The following AGBL1 variants were observed in gnomAD, a reference collection of about 807,000 sequenced individuals.
AGBL1 encodes the protein cytosolic carboxypeptidase 4.
In AGBL1, 130 loss-of-function variants were observed where a neutral mutation model predicts 118.9. The ratio of observed to expected loss-of-function variants is 1.09; its 90% CI spans 0.95 to 1.26. The LOEUF (loss-of-function observed/expected upper bound fraction) is 1.26, where lower values mean the gene tolerates loss of function less well. Ranked by LOEUF, AGBL1 falls within the 50% of genes most tolerant of loss-of-function variation. The pLI is 0.00. For missense variants in AGBL1, 1,584 were observed against 1,298.1 expected, an observed-to-expected ratio of 1.22 and a Z score of -3.38; for synonymous variants, 555 against 478.9, an observed-to-expected ratio of 1.16 and a Z score of -2.08.
chr15:86,218,659 G>T (rs936592108), intron 5 of AGBL1, among the ~76,000 whole-genome samples: 1 of 152,210 alleles, frequency 6.6e-6, no homozygotes, highest in African/African-American at 2.4e-5. Flanking sequence ...CCTCATTGAT[G>T]AAGTAAGCAG....
At chr15:86,843,003 C>T (rs2079266732) in intron 22 of AGBL1, among the ~76,000 whole-genome samples, 1 of 152,134 alleles carries the variant, frequency 6.6e-6, no homozygotes. Flanking sequence ...TTTTAGGGCT[C>T]CTTCAAACAG....
At chr15:86,870,289 C>A (rs1461285520) in intron 22 of AGBL1, among the ~76,000 whole-genome samples, 1 of 151,726 alleles carries the variant, frequency 6.6e-6, no homozygotes, top group African/African-American at 2.4e-5. Context: ...AGGGAGAAAT[C>A]TGAGGCTTTG....
chr15:86,689,530 A>G (rs994103983), intron 22 of AGBL1, among the ~76,000 whole-genome samples: 2 of 152,142 alleles, frequency 1.3e-5, no homozygotes, highest in African/African-American at 4.8e-5. Flanking sequence ...TTATGGGAAG[A>G]TATGAAGACT....
rs1423417916 is a variant in AGBL1 at position 86,632,628 on chromosome 15, ATGTTT to A, written c.2995-41643_2995-41639del. 2.5e-5 allele frequency among the ~76,000 whole-genome samples: 3 copies of A among 120,928 alleles called. No individual in the cohort carries two copies. The East Asian group carries it at 1.0e-3, about 42-fold the overall frequency. 79.3% of individuals were successfully genotyped at this position (120,928 alleles called of 152,430 possible). ...ACCATGACAATAACTAAATCTCATC[ATGTTT>A]TTTTTTTTTTTTCTTTTTCACAAAG... On this transcript the variant is annotated intron_variant, in intron 21 of 22. Transcript: ENST00000614907.
At chr15:86,182,846 A>C (rs142938911) in intron 5 of AGBL1, among the ~76,000 whole-genome samples, 2 of 152,262 alleles carry the variant, frequency 1.3e-5, no homozygotes, top group Admixed American at 1.3e-4. Flanking sequence ...CAATTTTAGC[A>C]GTTTACATGT....
chr15:86,741,944 C>G (rs1367503106), intron 22 of AGBL1, among the ~76,000 whole-genome samples: 1 of 150,784 alleles, frequency 6.6e-6, no homozygotes, highest in Admixed American at 6.6e-5. Context: ...CTCTTCAGAT[C>G]TAGGTCCATA....
At chr15:86,471,724 T>C (rs1433894961) in intron 18 of AGBL1, among the ~76,000 whole-genome samples, 2 of 152,152 alleles carry the variant, frequency 1.3e-5, no homozygotes, top group East Asian at 1.9e-4. Context: ...ATATTCAAAG[T>C]AAAATGTGCA....
At chr15:86,180,577 A>T (rs923557405) in intron 5 of AGBL1, among the ~76,000 whole-genome samples, 7 of 152,148 alleles carry the variant, frequency 4.6e-5, no homozygotes, top group African/African-American at 1.7e-4. Flanking sequence ...CATTTCTGGA[A>T]GAAAACACAG....
At chr15:86,444,980 A>G (rs2082104813) in intron 18 of AGBL1, among the ~76,000 whole-genome samples, 1 of 152,204 alleles carries the variant, frequency 6.6e-6, no homozygotes, top group Non-Finnish European at 1.5e-5. Context: ...TAAGATTTTA[A>G]TTATCTGGTG....
At chr15:86,535,535 C>T (rs951878470) in intron 19 of AGBL1, among the ~76,000 whole-genome samples, 1 of 152,214 alleles carries the variant, frequency 6.6e-6, no homozygotes, top group Admixed American at 6.5e-5. Flanking sequence ...TTGGCTCTCA[C>T]TATGTGAGTG....
intron 15 of AGBL1, among the ~76,000 whole-genome samples, chr15:86,276,725 A>G (rs2079258092): frequency 6.6e-6 from 1 of 151,902 alleles, no homozygotes; most frequent in Non-Finnish European, 1.5e-5. Context: ...GGAAGATGGA[A>G]AGGGCTTTCC....
chr15:87,006,174 T>G (rs1332119231), intron 24 of AGBL1, among the ~76,000 whole-genome samples: 1 of 152,224 alleles, frequency 6.6e-6, no homozygotes, highest in Non-Finnish European at 1.5e-5. Flanking sequence ...CTGTCTGTTC[T>G]TAGATCTCCA....
intron 5 of AGBL1, among the ~76,000 whole-genome samples, chr15:86,211,872 A>G (rs560633736): frequency 1.3e-5 from 2 of 152,250 alleles, no homozygotes; most frequent in East Asian, 3.9e-4. Flanking sequence ...TCCCAATGAG[A>G]TGAACCAGGC....
chr15:86,921,708 A>G (rs2080483554), intron 23 of AGBL1, among the ~76,000 whole-genome samples: 2 of 152,332 alleles, frequency 1.3e-5, no homozygotes, highest in African/African-American at 2.4e-5. Flanking sequence ...AGAAGGCAGC[A>G]CAGCATGCAT....
At chr15:86,970,851 T>G (rs1209086184) in intron 23 of AGBL1, among the ~76,000 whole-genome samples, 1 of 152,006 alleles carries the variant, frequency 6.6e-6, no homozygotes, top group Admixed American at 6.6e-5. Flanking sequence ...TTCAACGAAC[T>G]GAGGTTTTAA....
intron 21 of AGBL1, among the ~76,000 whole-genome samples, chr15:86,660,450 T>C (rs2085520834): frequency 6.6e-6 from 1 of 152,152 alleles, no homozygotes; most frequent in Non-Finnish European, 1.5e-5. Flanking sequence ...CATCCTCTCT[T>C]CAAATCTACT....
intron 22 of AGBL1, among the ~76,000 whole-genome samples, chr15:86,745,707 C>G (rs1335008848): frequency 1.3e-5 from 2 of 152,092 alleles, no homozygotes; most frequent in African/African-American, 4.8e-5. Flanking sequence ...CAAGGCTGAG[C>G]CGAAATTGTA....
chr15:86,775,284 T>A (rs2141295861), intron 22 of AGBL1, among the ~76,000 whole-genome samples: 1 of 152,246 alleles, frequency 6.6e-6, no homozygotes, highest in South Asian at 2.1e-4. Context: ...ATAGATTAAT[T>A]CCAGATGTGG....
chr15:86,427,386 A>C (rs962270789), intron 18 of AGBL1, among the ~76,000 whole-genome samples: 1 of 152,136 alleles, frequency 6.6e-6, no homozygotes, highest in Non-Finnish European at 1.5e-5. Context: ...TAATTAGGCA[A>C]TATTTCTATG....
Sources: gnomAD v4.1 joint callset for allele counts (sites outside exome capture counted in the v4.1 genomes callset) on GRCh38, gnomAD v4.1.1 for gene constraint, MANE v1.5 for transcripts, NCBI Gene and HGNC (gene_info 2026-07-23, HGNC 2026-07-21) for gene names.